The following KANK1 variants were observed in gnomAD, a reference collection of about 807,000 sequenced individuals.
KANK1 encodes KN motif and ankyrin repeat domain-containing protein 1.
KANK1 carries 109 observed loss-of-function variants against 106.2 expected under a neutral mutation model. The ratio of observed to expected loss-of-function variants is 1.03; its 90% CI spans 0.88 to 1.20. The LOEUF (loss-of-function observed/expected upper bound fraction) is 1.20, where lower values mean the gene tolerates loss of function less well. Ranked by LOEUF, KANK1 falls within the 50% of genes most tolerant of loss-of-function variation. The probability of loss-of-function intolerance (pLI) is 0.00; values close to 1 mark genes in which losing one functional copy is unlikely to be tolerated. For synonymous variants in KANK1, 873 were observed against 652.2 expected (o/e 1.34, Z -5.16); for missense variants, 2,399 against 1,710.7 (o/e 1.40, Z -7.10).
At chr9:530,818 G>C (rs150957143) in intron 1 of KANK1, among the ~76,000 whole-genome samples, 2,250 of 152,066 alleles carry the variant, frequency 0.015, 38 homozygotes, top group Middle Eastern at 0.044. Context: ...ATGAAACTCT[G>C]TCTCTATGAA....
chr9:492,680 A>G (rs1202815394), intron 3 of KANK1, among the ~76,000 whole-genome samples: 1 of 152,198 alleles, frequency 6.6e-6, no homozygotes, highest in East Asian at 1.9e-4. Flanking sequence ...TATATTTGAA[A>G]TATATATTTA....
At chr9:627,593 C>G (rs770638099) in intron 1 of KANK1, among the ~76,000 whole-genome samples, 1 of 152,152 alleles carries the variant, frequency 6.6e-6, no homozygotes, top group Non-Finnish European at 1.5e-5. Context: ...TGCCTTTTAT[C>G]TTGTTTAATA....
chr9:667,181 A>G (rs1407470305), intron 1 of KANK1, among the ~76,000 whole-genome samples: 4 of 151,798 alleles, frequency 2.6e-5, no homozygotes, highest in African/African-American at 9.7e-5. Context: ...TTGGTTGTAT[A>G]TGTCCAGGAA....
chr9:536,798 G>C (rs530019906), intron 1 of KANK1, among the ~76,000 whole-genome samples: 2 of 152,160 alleles, frequency 1.3e-5, no homozygotes, highest in African/African-American at 2.4e-5. Flanking sequence ...GGCACCTTTG[G>C]GGGGCGCATT....
At chr9:703,934 G>A (rs1190931661) in intron 2 of KANK1, among the ~76,000 whole-genome samples, 2 of 152,116 alleles carry the variant, frequency 1.3e-5, no homozygotes, top group Non-Finnish European at 2.9e-5. Flanking sequence ...GACTGGTCTT[G>A]AACTCCTGAC....
chr9:704,933 T>C (rs887291676), intron 2 of KANK1, among the ~76,000 whole-genome samples: 2 of 133,910 alleles, frequency 1.5e-5, no homozygotes, highest in Non-Finnish European at 1.5e-5. Context: ...ATAGAGACTA[T>C]AGTGAGCCAT....
chr9:693,134 G>C (rs977897323), intron 2 of KANK1, among the ~76,000 whole-genome samples: 1 of 152,076 alleles, frequency 6.6e-6, no homozygotes, highest in Non-Finnish European at 1.5e-5. Context: ...GAGTATGAGG[G>C]TACAGAGCAA....
chr9:693,328 G>C, intron 2 of KANK1: 1 of 935,554 alleles, frequency 1.1e-6, no homozygotes, highest in Non-Finnish European at 1.3e-6. Context: ...AATTGTAACA[G>C]AGAGCCTTTC....
At chr9:656,966 A>G (rs541869913) in intron 1 of KANK1, among the ~76,000 whole-genome samples, 2 of 152,270 alleles carry the variant, frequency 1.3e-5, no homozygotes, top group South Asian at 4.1e-4. Flanking sequence ...AACTGTATGC[A>G]CAATGCCATG....
chr9:489,779 G>C (rs190359940), intron 3 of KANK1, among the ~76,000 whole-genome samples: 76 of 152,244 alleles, frequency 5.0e-4, no homozygotes, highest in African/African-American at 1.7e-3. Context: ...AAAAATAATA[G>C]TATCAATGAG....
In KANK1 at chr9:738,302, C is replaced by T. The variant is rs1332749298; in HGVS notation, c.3351C>T (p.Thr1117=). The T allele has an allele frequency of 5.0e-6, 8 of 1,612,922 alleles. No individual in the cohort carries two copies. The highest frequency in any genetic ancestry group is 1.6e-4 in the Middle Eastern group (1 of 6,084). ...TSKDMRFCLN[T]LQHEWFRVSS... The stretch of plus-strand genomic sequence containing the variant: ...TTTGGCAGAGGTTCTGTCTGAACAC[C>T]CTCCAGCACGAGTGGTTCCGCGTGT... Residue 1117 remains threonine (T), a synonymous_variant, in exon 8 of 12, where the codon ACC becomes ACT. Transcript: ENST00000382297.
chr9:735,797 G>A (rs1269838558), intron 7 of KANK1: 6 of 387,910 alleles, frequency 1.5e-5, no homozygotes, highest in South Asian at 5.5e-5. Context: ...AGTTCGAGAC[G>A]AGCTTAGCCA....
chr9:576,276 G>C (rs1451144615), intron 1 of KANK1, among the ~76,000 whole-genome samples: 2 of 152,072 alleles, frequency 1.3e-5, no homozygotes, highest in African/African-American at 4.8e-5. Context: ...AAATGCTCAG[G>C]GCTGCTGAGA....
chr9:599,260 T>TGCC (rs1238323617), intron 1 of KANK1, among the ~76,000 whole-genome samples: 2 of 151,378 alleles, frequency 1.3e-5, no homozygotes, highest in Admixed American at 1.3e-4. Flanking sequence ...TCAGGTGATC[T>TGCC]GCCCATCCCA....
chr9:744,107 C>A (rs1223801865), intron 10 of KANK1, among the ~76,000 whole-genome samples: 1 of 152,186 alleles, frequency 6.6e-6, no homozygotes, highest in Non-Finnish European at 1.5e-5. Flanking sequence ...AGTGCCCTCT[C>A]TAAGAGGAAA....
chr9:533,612 TCTGGAC>T (rs2060163673), intron 1 of KANK1, among the ~76,000 whole-genome samples: 1 of 152,226 alleles, frequency 6.6e-6, no homozygotes, highest in South Asian at 2.1e-4. Context: ...TACTCTGGTA[TCTGGAC>T]TGTCCCTGGT....
At chr9:560,645 T>C (rs73639369) in intron 1 of KANK1, among the ~76,000 whole-genome samples, 73 of 152,336 alleles carry the variant, frequency 4.8e-4, no homozygotes, top group African/African-American at 1.7e-3. Context: ...ATAAAATGTT[T>C]GAGTAGCCCT....
rs934506455 is a variant in KANK1, at chr9:504,716, G to C, written c.-122G>C. The stretch of plus-strand genomic sequence containing the variant: ...CCCCGAGCTCCGGGTCCGCGGCGGA[G>C]CGAGCGAGCGGCCGGCAGGTTGGGA... On this transcript the variant is annotated 5_prime_UTR_variant, in exon 1 of 12. Coordinates refer to ENST00000382297, the MANE Select transcript of KANK1 (RefSeq NM_015158.5). 2 of 147,768 alleles carry C rather than the reference G, an allele frequency of 1.4e-5. No individual in the cohort carries two copies. Among genetic ancestry groups the C allele is most frequent in the Admixed American group, 1.4e-4 (2 of 14,642 alleles). The allele number at this position is 147,768 out of a possible 1,614,324, so 9.2% of individuals were successfully genotyped here. A position where few individuals can be genotyped will look rare whatever the true frequency, so the allele number is the denominator to read the frequency against.
chr9:560,662 A>G (rs542136001), intron 1 of KANK1, among the ~76,000 whole-genome samples: 4 of 152,302 alleles, frequency 2.6e-5, no homozygotes, highest in Admixed American at 6.5e-5. Flanking sequence ...CCCTTTCCCA[A>G]TGTCATGATA....
Sources: gnomAD v4.1 joint callset for allele counts (sites outside exome capture counted in the v4.1 genomes callset) on GRCh38, gnomAD v4.1.1 for gene constraint, MANE v1.5 for transcripts, NCBI Gene and HGNC (gene_info 2026-07-23, HGNC 2026-07-21) for gene names.